The following TENM3 variants were observed in gnomAD, a reference collection of about 807,000 sequenced individuals.
TENM3 encodes teneurin-3.
In TENM3, 63 loss-of-function variants were observed where a neutral mutation model predicts 255.1. The observed-to-expected ratio is 0.25, with a 90% CI of 0.20 to 0.30. The LOEUF (loss-of-function observed/expected upper bound fraction) is 0.30, where lower values mean the gene tolerates loss of function less well. Ranked by LOEUF, TENM3 falls within the 10% of genes least tolerant of loss-of-function variation. The probability of loss-of-function intolerance (pLI) is 1.00; values close to 1 mark genes in which losing one functional copy is unlikely to be tolerated. For synonymous variants in TENM3, 1,306 were observed against 1,322.3 expected (o/e 0.99, Z 0.27); for missense variants, 2,929 against 3,461.1 (o/e 0.85, Z 3.86).
chr4:182,161,829 A>AGTG lies in TENM3; in HGVS notation c.-76+17075_-76+17076insGTG, dbSNP rs1491524974. 6.0e-4 allele frequency among the ~76,000 whole-genome samples: 14 copies of AGTG among 23,514 alleles called. 3 individuals are homozygous for AGTG. Among genetic ancestry groups the AGTG allele is most frequent in the African/African-American group, 7.4e-4 (4 of 5,430 alleles). 15.4% of individuals were successfully genotyped at this position (23,514 alleles called of 152,430 possible). ...CACATATATATGTATATATATACACATATATATGTGTATATATACACAAAT... is the reference window on the plus strand; with the variant it reads ...CACATATATATGTATATATATACACAGTGTATATATGTGTATATATACACAAAT... On this transcript the variant is annotated intron_variant, in intron 1 of 2. Coordinates refer to the TENM3 transcript ENST00000512480.
At chr4:181,602,894 A>C in the TENM3 span, among the ~76,000 whole-genome samples, 3 of 152,120 alleles carry the variant, frequency 2.0e-5, no homozygotes, top group Non-Finnish European at 4.4e-5. Context: ...CTGCATACTA[A>C]AGTTAGAAAT....
intron 3 of TENM3, among the ~76,000 whole-genome samples, chr4:182,491,432 T>A (rs1014017342): frequency 1.9e-4 from 29 of 152,086 alleles, no homozygotes; most frequent in Non-Finnish European, 3.7e-4. Flanking sequence ...TATTACAATT[T>A]ACGATCAAAC....
At chr4:182,731,212 A>G in intron 16 of TENM3, 73 bp downstream of exon 16, 12 of 1,508,024 alleles carry the variant, frequency 8.0e-6, no homozygotes, top group South Asian at 6.1e-5. Flanking sequence ...AATCTTAAAA[A>G]TAGGTTATAG....
the TENM3 span, among the ~76,000 whole-genome samples, chr4:182,014,387 C>G: frequency 6.6e-6 from 1 of 151,922 alleles, no homozygotes; most frequent in Non-Finnish European, 1.5e-5. Context: ...CCCAAAACAC[C>G]TAGACTAGAC....
chr4:182,166,207 G>T (rs1397063866), intron 1 of TENM3, among the ~76,000 whole-genome samples: 1 of 152,208 alleles, frequency 6.6e-6, no homozygotes, highest in East Asian at 1.9e-4. Context: ...CATCGTCAAA[G>T]AGCATGCTTT....
At chr4:182,042,801 G>A in the TENM3 span, among the ~76,000 whole-genome samples, 2 of 151,848 alleles carry the variant, frequency 1.3e-5, no homozygotes, top group Admixed American at 6.6e-5. Context: ...AACAACTGTG[G>A]TTTTGTCACT....
chr4:182,663,983 T>G (rs543528094), intron 6 of TENM3, among the ~76,000 whole-genome samples: 2 of 152,368 alleles, frequency 1.3e-5, no homozygotes, highest in African/African-American at 4.8e-5. Flanking sequence ...AGTGGTACTT[T>G]GTTTATCTGG....
chr4:182,409,353 G>A (rs1358040396), intron 3 of TENM3, among the ~76,000 whole-genome samples: 1 of 152,220 alleles, frequency 6.6e-6, no homozygotes, highest in African/African-American at 2.4e-5. Flanking sequence ...ATTAGAAAAT[G>A]TAGTTCCTTT....
chr4:181,574,347 A>T, the TENM3 span, among the ~76,000 whole-genome samples: 5 of 151,670 alleles, frequency 3.3e-5, no homozygotes, highest in Non-Finnish European at 7.4e-5. Context: ...CTGGCTAACA[A>T]GGTGAAACCC....
chr4:181,873,067 T>G, the TENM3 span, among the ~76,000 whole-genome samples: 2 of 152,120 alleles, frequency 1.3e-5, no homozygotes, highest in Admixed American at 6.6e-5. Context: ...TCTCTTCTAA[T>G]ATAAGTATTT....
At chr4:182,025,292 T>A in the TENM3 span, among the ~76,000 whole-genome samples, 1 of 152,068 alleles carries the variant, frequency 6.6e-6, no homozygotes, top group Non-Finnish European at 1.5e-5. Context: ...CCTCCCAAAG[T>A]GCTGTGATTA....
At chr4:182,635,593 C>G (rs1025319171) in intron 5 of TENM3, among the ~76,000 whole-genome samples, 3 of 152,038 alleles carry the variant, frequency 2.0e-5, no homozygotes, top group Admixed American at 6.6e-5. Context: ...TATAGCAAAC[C>G]GGAGAACTAC....
At chr4:181,526,894 C>T in the TENM3 span, among the ~76,000 whole-genome samples, 1 of 152,184 alleles carries the variant, frequency 6.6e-6, no homozygotes, top group African/African-American at 2.4e-5. Context: ...ACCTCTCTTT[C>T]GAGTAGTAGT....
At chr4:181,770,920 C>A in the TENM3 span, among the ~76,000 whole-genome samples, 2 of 152,174 alleles carry the variant, frequency 1.3e-5, no homozygotes, top group Non-Finnish European at 2.9e-5. Context: ...CTCTTTTAAT[C>A]CTCATGATCA....
the TENM3 span, among the ~76,000 whole-genome samples, chr4:181,932,317 T>C: frequency 6.6e-6 from 1 of 151,914 alleles, no homozygotes; most frequent in Non-Finnish European, 1.5e-5. Context: ...TAAACAATTT[T>C]ACAAGAAAAA....
chr4:182,210,360 A>G (rs965663779), intron 1 of TENM3, among the ~76,000 whole-genome samples: 4 of 152,078 alleles, frequency 2.6e-5, no homozygotes, highest in Admixed American at 1.3e-4. Context: ...CATTTTACTC[A>G]GTGGCCTTCC....
In TENM3 at chr4:182,800,413, G is replaced by C. The variant is rs1766862984; in HGVS notation, c.*62G>C. On this transcript the variant is annotated 3_prime_UTR_variant, in exon 28 of 28. Transcript: ENST00000511685. The stretch of plus-strand genomic sequence containing the variant: ...CCCACATTGTCCTGTGGCACAACCC[G>C]AGTGGGACTCTCCAACGCCCAAGAG... The C allele has an allele frequency of 9.5e-6, 14 of 1,480,268 alleles. No individual in the cohort carries two copies. Among genetic ancestry groups the C allele is most frequent in the Non-Finnish European group, 1.3e-5 (14 of 1,116,636 alleles). 91.7% of individuals were successfully genotyped at this position (1,480,268 alleles called of 1,614,324 possible).
At chr4:181,485,266 T>A in the TENM3 span, among the ~76,000 whole-genome samples, 1 of 152,136 alleles carries the variant, frequency 6.6e-6, no homozygotes, top group African/African-American at 2.4e-5. Context: ...AGCATTAAAA[T>A]AAGGACACTT....
the TENM3 span, among the ~76,000 whole-genome samples, chr4:181,600,194 C>T: frequency 4.1e-3 from 626 of 152,168 alleles, 11 homozygotes; most frequent in East Asian, 0.02. Context: ...TGTAATATAC[C>T]ATTGTGTGAA....
Sources: gnomAD v4.1 joint callset for allele counts (sites outside exome capture counted in the v4.1 genomes callset) on GRCh38, gnomAD v4.1.1 for gene constraint, MANE v1.5 for transcripts, NCBI Gene and HGNC (gene_info 2026-07-23, HGNC 2026-07-21) for gene names.